NIN: variants seen among roughly 807,000 people sequenced by gnomAD.
NIN encodes the protein ninein.
NIN carries 137 observed loss-of-function variants against 257.6 expected under a neutral mutation model. The observed-to-expected ratio is 0.53, with a 90% CI of 0.46 to 0.61. NIN has a LOEUF of 0.61. Ranked by LOEUF, NIN falls within the 20% of genes least tolerant of loss-of-function variation. NIN has a pLI of 0.00. For synonymous variants in NIN, 918 were observed against 919.8 expected (o/e 1.00, Z 0.04); for missense variants, 2,439 against 2,501.2 (o/e 0.98, Z 0.53).
At chr14:50,737,611 T>C (rs575812509) in intron 27 of NIN, among the ~76,000 whole-genome samples, 3 of 151,104 alleles carry the variant, frequency 2.0e-5, no homozygotes, top group Admixed American at 2.0e-4. Context: ...TTAATTGCCT[T>C]CTTTAAGAAG....
chr14:50,765,349 A>C (rs2042438774), intron 14 of NIN, among the ~76,000 whole-genome samples: 1 of 152,190 alleles, frequency 6.6e-6, no homozygotes, highest in Non-Finnish European at 1.5e-5. Flanking sequence ...AAATACCTCT[A>C]TTTAATTAGA....
In NIN at chr14:50,767,753, C is replaced by G. The variant is rs1188510470; in HGVS notation, c.1435-863G>C. 3.3e-5 allele frequency among the ~76,000 whole-genome samples: 5 copies of G among 150,408 alleles called. No individual in the cohort carries two copies. The East Asian group carries it at 9.8e-4, about 30-fold the overall frequency. ...AATGGTGTGAACCCGGGAGGTGGAG[C>G]TTGCAGTGAGCCGAGATGGCGCCAC... is the stretch of plus-strand genomic sequence containing the variant. On this transcript the variant is annotated intron_variant, in intron 12 of 30. Coordinates refer to ENST00000530997, the MANE Select transcript of NIN (RefSeq NM_020921.4).
chr14:50,795,921 G>T (rs565974636), intron 4 of NIN, among the ~76,000 whole-genome samples: 92 of 152,354 alleles, frequency 6.0e-4, no homozygotes, highest in African/African-American at 2.0e-3. Context: ...AGAGGCTGCA[G>T]TGAGCCGAGA....
chr14:50,772,774 C>T (rs963846456), intron 8 of NIN, among the ~76,000 whole-genome samples, 175 bp downstream of exon 8: 4 of 152,222 alleles, frequency 2.6e-5, no homozygotes, highest in Admixed American at 6.5e-5. Context: ...CTGTAATTTA[C>T]GGTCATTTCT....
rs1271571396 is a variant in NIN at position 50,721,016 on chromosome 14, T to A, written c.*2447A>T. On this transcript the variant is annotated 3_prime_UTR_variant, in exon 31 of 31. Coordinates refer to ENST00000530997, the MANE Select transcript of NIN (RefSeq NM_020921.4). Reference sequence around the variant, plus strand: ...GAAACAAGATCTAAACATTTTTAAGTTTACATTTAATGTCTTTAAAAGGTC... The same window carrying A: ...GAAACAAGATCTAAACATTTTTAAGATTACATTTAATGTCTTTAAAAGGTC... The A allele has an allele frequency of 5.2e-6, 1 of 191,764 alleles. No individual in the cohort carries two copies. Among genetic ancestry groups the A allele is most frequent in the South Asian group, 1.9e-4 (1 of 5,166 alleles). 11.9% of individuals were successfully genotyped at this position (191,764 alleles called of 1,614,324 possible).
At chr14:50,790,663 TTC>T (rs2043551942) in intron 5 of NIN, among the ~76,000 whole-genome samples, 1 of 152,164 alleles carries the variant, frequency 6.6e-6, no homozygotes, top group Non-Finnish European at 1.5e-5. Context: ...ATGCTACAGC[TTC>T]TGTGTATAGC....
chr14:50,728,824 TCATGCTAATG>T (rs1232649975), intron 29 of NIN, among the ~76,000 whole-genome samples: 1 of 152,230 alleles, frequency 6.6e-6, no homozygotes, highest in Non-Finnish European at 1.5e-5. Context: ...TGAGCTGGGA[TCATGCTAATG>T]CAAACAATGA....
intron 28 of NIN, among the ~76,000 whole-genome samples, 185 bp downstream of exon 28, chr14:50,735,331 T>C (rs1175093582): frequency 1.3e-5 from 2 of 152,220 alleles, no homozygotes; most frequent in East Asian, 3.8e-4. Context: ...TATGGCTTCC[T>C]ATGGCAGTAT....
At chr14:50,822,521 C>T (rs942859722) in intron 2 of NIN, among the ~76,000 whole-genome samples, 1 of 152,202 alleles carries the variant, frequency 6.6e-6, no homozygotes, top group Non-Finnish European at 1.5e-5. Context: ...CAGCAGACTG[C>T]ATGGTCAGAG....
At chr14:50,791,150 C>T (rs2043572045) in intron 5 of NIN, among the ~76,000 whole-genome samples, 1 of 152,190 alleles carries the variant, frequency 6.6e-6, no homozygotes, top group Non-Finnish European at 1.5e-5. Context: ...GTACATTCCA[C>T]ACCACTCAGG....
Position 50,773,211 on chromosome 14 carries a change from A to T in NIN, c.667-116T>A, listed in dbSNP as rs566307809. ...TTGGTCCCAGGACTCCAGAAATATA[A>T]TTATGCCCCTTTATTCTCACTTTAC... On this transcript the variant is annotated intron_variant, in intron 7 of 30. Transcript: ENST00000530997. The T allele has an allele frequency of 9.1e-6, 6 of 656,558 alleles. No individual in the cohort carries two copies. In the East Asian group the frequency reaches 1.7e-4, roughly 19 times the overall value. 40.7% of individuals were successfully genotyped at this position (656,558 alleles called of 1,614,324 possible). A position where few individuals can be genotyped will look rare whatever the true frequency, so the allele number is the denominator to read the frequency against.
intron 5 of NIN, among the ~76,000 whole-genome samples, chr14:50,789,158 T>C (rs1017373611): frequency 2.0e-5 from 3 of 152,126 alleles, no homozygotes; most frequent in African/African-American, 2.4e-5. Flanking sequence ...TCTTTCCACA[T>C]TGCCTGGTAG....
At chr14:50,828,951 C>T (rs1186105412) in intron 2 of NIN, among the ~76,000 whole-genome samples, 1 of 151,858 alleles carries the variant, frequency 6.6e-6, no homozygotes, top group East Asian at 1.9e-4. Context: ...AATGACTGAT[C>T]CTTGACATTT....
At chr14:50,799,467 C>T (rs2043986803) in intron 4 of NIN, among the ~76,000 whole-genome samples, 1 of 152,190 alleles carries the variant, frequency 6.6e-6, no homozygotes, top group African/African-American at 2.4e-5. Context: ...AGTTCCTCAA[C>T]CTCAATTTTT....
chr14:50,770,982 C>T lies in NIN; in HGVS notation c.1129G>A (p.Asp377Asn), dbSNP rs2042706324. ...AEIRHLLERV[D>N]QVVREKEKLR... ...TTCTCTTTTTCTCTGACCACCTGAT[C>T]AACTCGTTCCCTAGGATCAGAAGTA... The change falls in exon 11 of 31, where the codon GAT (aspartate) becomes AAT (asparagine). Residue 377 changes from aspartate (D) to asparagine (N), a missense_variant. Coordinates refer to ENST00000530997, the MANE Select transcript of NIN (RefSeq NM_020921.4). 6.2e-7 allele frequency: 1 copy of T among 1,613,830 alleles called. No homozygotes were observed. Among genetic ancestry groups the T allele is most frequent in the Non-Finnish European group, 8.5e-7 (1 of 1,179,892 alleles).
At chr14:50,727,032 G>T (rs1356182346) in intron 29 of NIN, among the ~76,000 whole-genome samples, 1 of 152,098 alleles carries the variant, frequency 6.6e-6, no homozygotes, top group Admixed American at 6.6e-5. Context: ...AATGCAGGAA[G>T]TAAGTTACAA....
intron 12 of NIN, 37 bp from the exon 13 acceptor site, chr14:50,766,927 T>G: frequency 7.1e-7 from 1 of 1,412,306 alleles, no homozygotes; most frequent in Non-Finnish European, 1.0e-6. Flanking sequence ...TGGTACAGAT[T>G]AAGAAATTAG....
intron 3 of NIN, 23 bp downstream of exon 3, chr14:50,821,851 C>G (rs1566883481): frequency 1.3e-6 from 2 of 1,597,874 alleles, no homozygotes; most frequent in Non-Finnish European, 8.6e-7. Context: ...CTTCCCATAG[C>G]CACGTTCTTC....
At chr14:50,777,534 T>C (rs561808093) in intron 6 of NIN, among the ~76,000 whole-genome samples, 1 of 152,334 alleles carries the variant, frequency 6.6e-6, no homozygotes, top group South Asian at 2.1e-4. Flanking sequence ...CAGAATGTAT[T>C]ACCTCCACTT....
Sources: allele counts gnomAD v4.1 joint callset (sites outside exome capture counted in the v4.1 genomes callset), GRCh38; gene constraint gnomAD v4.1.1; transcripts MANE v1.5; gene names NCBI Gene and HGNC (gene_info 2026-07-23, HGNC 2026-07-21).